The following TCF25 variants were observed in gnomAD, a reference collection of about 807,000 sequenced individuals.
The protein encoded by TCF25 is TCF25 ribosome quality control complex subunit.
Under a neutral mutation model 83.1 loss-of-function variants are expected in TCF25, and 41 were observed. The observed-to-expected ratio is 0.49, with a 90% CI of 0.38 to 0.64. The LOEUF is 0.64. Ranked by LOEUF, TCF25 falls within the 30% of genes least tolerant of loss-of-function variation. TCF25 has a pLI of 0.00. For missense variants in TCF25, 979 were observed against 914.5 expected, an observed-to-expected ratio of 1.07 and a Z score of -0.91; for synonymous variants, 458 against 365.0, an observed-to-expected ratio of 1.25 and a Z score of -2.90.
At chr16:89,894,502 C>T (rs1172384717) in intron 7 of TCF25, among the ~76,000 whole-genome samples, 3 of 152,220 alleles carry the variant, frequency 2.0e-5, no homozygotes, top group African/African-American at 4.8e-5. Context: ...GCTTTCCATT[C>T]CTCTTTCTTG....
intron 16 of TCF25, chr16:89,910,347 C>T (rs933516525): frequency 6.6e-5 from 37 of 557,982 alleles, no homozygotes; most frequent in Non-Finnish European, 9.9e-5. Context: ...GCCACGCCTG[C>T]CTCAGCTGAG....
intron 16 of TCF25, among the ~76,000 whole-genome samples, chr16:89,908,631 CACCTCCCACCTCCCA>C (rs2045245354): frequency 8.9e-6 from 1 of 111,750 alleles, no homozygotes; most frequent in Non-Finnish European, 1.9e-5. Context: ...TCCCAGCTCC[CACCTCCCACCTCCCA>C]GCTCCCACCT....
chr16:89,908,239 CA>C (rs1770737474), intron 16 of TCF25, among the ~76,000 whole-genome samples: 1 of 118,174 alleles, frequency 8.5e-6, no homozygotes, highest in African/African-American at 3.7e-5. Context: ...TCTCAGTTCC[CA>C]CCTCCCAGCT....
intron 1 of TCF25, among the ~76,000 whole-genome samples, chr16:89,877,722 T>C (rs962160272): frequency 6.6e-6 from 1 of 151,920 alleles, no homozygotes; most frequent in Admixed American, 6.6e-5. Flanking sequence ...AAAAGACGAG[T>C]TGGCAAAAAC....
At chr16:89,891,434 C>T (rs969876986) in intron 5 of TCF25, among the ~76,000 whole-genome samples, 1 of 152,320 alleles carries the variant, frequency 6.6e-6, no homozygotes, top group South Asian at 2.1e-4. Context: ...GGGATGGCCC[C>T]GTGGGAAGGG....
chr16:89,906,196 G>C lies in TCF25; in HGVS notation c.1631G>C (p.Arg544Pro). The C allele has an allele frequency of 1.2e-6, 2 of 1,613,120 alleles. No homozygotes were observed. The highest frequency in any genetic ancestry group is 1.7e-6 in the Non-Finnish European group (2 of 1,179,878). Reference sequence around the variant, plus strand: ...GCCTTGTTTCTCCCCGGCCCTAGGCGGAAGGTGCTCTACCAGCGTGCACCC... The same window carrying C: ...GCCTTGTTTCTCCCCGGCCCTAGGCCGAAGGTGCTCTACCAGCGTGCACCC... ...DPAVEACENR[R>P]KVLYQRAPRN... Residue 544 changes from arginine (R) to proline (P), a missense_variant and splice_region_variant, in exon 15 of 18, where the codon CGG becomes CCG. By Grantham distance (103) the Arg-to-Pro change is moderately radical. Transcript: ENST00000263346.
chr16:89,889,781 C>G (rs1026880282), intron 5 of TCF25: 2 of 152,758 alleles, frequency 1.3e-5, no homozygotes, highest in African/African-American at 4.8e-5. Context: ...AACTCCCAAC[C>G]TCAGGTGATC....
At chr16:89,890,617 TAG>T (rs1195177089) in intron 5 of TCF25, 3 of 152,220 alleles carry the variant, frequency 2.0e-5, no homozygotes, top group Non-Finnish European at 4.4e-5. Context: ...TAATTAAAAA[TAG>T]ACTTTAAAAT....
chr16:89,899,134 C>T (rs1221498450), intron 11 of TCF25, among the ~76,000 whole-genome samples: 1 of 152,168 alleles, frequency 6.6e-6, no homozygotes, highest in East Asian at 1.9e-4. Context: ...TACACATGCA[C>T]ACGTGTGCCT....
At chr16:89,907,201 G>GGCAGCATCTGTA in intron 15 of TCF25, 42 bp from the exon 16 acceptor site, 1 of 1,600,972 alleles carries the variant, frequency 6.2e-7, no homozygotes, top group Non-Finnish European at 8.5e-7. Context: ...GAGGCCCCCT[G>GGCAGCATCTGTA]GCAGCATCTG....
intron 14 of TCF25, among the ~76,000 whole-genome samples, chr16:89,905,615 G>C (rs529387624): frequency 6.6e-6 from 1 of 152,202 alleles, no homozygotes; most frequent in Non-Finnish European, 1.5e-5. Flanking sequence ...GCTCAGGACC[G>C]CCTGGGAGTG....
At chr16:89,905,954 T>C (rs1030181744) in intron 14 of TCF25, among the ~76,000 whole-genome samples, 1 of 152,128 alleles carries the variant, frequency 6.6e-6, no homozygotes, top group African/African-American at 2.4e-5. Context: ...TCTTGTTCTT[T>C]GGATGAAGAG....
At chr16:89,909,693 A>G (rs1177071855) in intron 16 of TCF25, 1 of 152,262 alleles carries the variant, frequency 6.6e-6, no homozygotes, top group East Asian at 1.9e-4. Flanking sequence ...AAAAAAAAAA[A>G]AATCCTCCAG....
At chr16:89,905,121 C>T (rs904007763) in intron 14 of TCF25, 25 bp downstream of exon 14, 2 of 1,545,178 alleles carry the variant, frequency 1.3e-6, no homozygotes, top group African/African-American at 2.7e-5. Flanking sequence ...GACACAAGCC[C>T]TGCCACGCCC....
chr16:89,893,279 C>T (rs1395984107), intron 6 of TCF25, among the ~76,000 whole-genome samples: 1 of 152,244 alleles, frequency 6.6e-6, no homozygotes, highest in Non-Finnish European at 1.5e-5. Context: ...TTACAAAGCT[C>T]TGTGGCTTCA....
At chr16:89,900,581 A>G (rs1214847519) in intron 11 of TCF25, 54 bp from the exon 12 acceptor site, 7 of 1,513,932 alleles carry the variant, frequency 4.6e-6, no homozygotes, top group Non-Finnish European at 6.3e-6. Context: ...GCAAACTCAC[A>G]TATTTTGTCT....
rs1471627673 is a variant in TCF25 at position 89,873,646 on chromosome 16, G to A, written c.-22G>A. The A allele has an allele frequency of 1.3e-6, 2 of 1,544,660 alleles. No individual in the cohort carries two copies. Among genetic ancestry groups the A allele is most frequent in the East Asian group, 2.5e-5 (1 of 40,502 alleles). On this transcript the variant is annotated 5_prime_UTR_variant, in exon 1 of 18. Coordinates refer to ENST00000263346, the MANE Select transcript of TCF25 (RefSeq NM_014972.3). ...CTGCGCTTCCTTCTCCCTCTCTCCAGACGTCGTGGTCGTTCGGTCCTATGT... is the reference window on the plus strand; with the variant it reads ...CTGCGCTTCCTTCTCCCTCTCTCCAAACGTCGTGGTCGTTCGGTCCTATGT...
chr16:89,904,624 C>T (rs565845036), intron 13 of TCF25: 14 of 513,268 alleles, frequency 2.7e-5, no homozygotes, highest in East Asian at 1.8e-4. Context: ...AGAAAGTGCA[C>T]GCCTTGGGGT....
Position 89,873,875 on chromosome 16 carries a change from G to T in TCF25, c.192+16G>T. On this transcript the variant is annotated intron_variant, in intron 1 of 17. Transcript: ENST00000263346. The stretch of plus-strand genomic sequence containing the variant: ...CTTCGAGCTGGTGAGGAGCGCGGCG[G>T]CCCGGGTGGGGGTGGGGTGGCCCTT... 1 of 1,472,706 alleles carries T rather than the reference G, an allele frequency of 6.8e-7. No individual in the cohort carries two copies. The allele number at this position is 1,472,706 out of a possible 1,614,324, so 91.2% of individuals were successfully genotyped here. A position where few individuals can be genotyped will look rare whatever the true frequency, so the allele number is the denominator to read the frequency against.
Sources: gnomAD v4.1 joint callset for allele counts (sites outside exome capture counted in the v4.1 genomes callset) on GRCh38, gnomAD v4.1.1 for gene constraint, MANE v1.5 for transcripts, NCBI Gene and HGNC (gene_info 2026-07-23, HGNC 2026-07-21) for gene names.